ERC1: variants seen among roughly 807,000 people sequenced by gnomAD.
The protein encoded by ERC1 is RAB6 interacting protein 2.
ERC1 carries 56 observed loss-of-function variants against 132.0 expected under a neutral mutation model. That is an observed-to-expected ratio of 0.42 (90% CI 0.34 to 0.53). ERC1 has a LOEUF of 0.53. Among genes scored for constraint, ERC1 ranks in the 20% least tolerant of loss-of-function variants. The pLI is 0.03. For synonymous variants in ERC1, 478 were observed against 476.1 expected (o/e 1.00, Z -0.05); for missense variants, 1,202 against 1,349.9 (o/e 0.89, Z 1.72).
intron 12 of ERC1, among the ~76,000 whole-genome samples, chr12:1,203,345 A>G (rs796596486): frequency 4.9e-4 from 74 of 152,350 alleles, no homozygotes; most frequent in African/African-American, 1.7e-3. Flanking sequence ...GGCGTGAGCC[A>G]CTGCGCCTGC....
chr12:1,104,957 A>G (rs1265254106), intron 4 of ERC1, 133 bp downstream of exon 4: 7 of 592,656 alleles, frequency 1.2e-5, no homozygotes, highest in African/African-American at 3.7e-5. Flanking sequence ...GTGAGAATCA[A>G]TGAAAATGAC....
chr12:1,003,002 A>G (rs1053295986), intron 1 of ERC1, among the ~76,000 whole-genome samples: 5 of 149,432 alleles, frequency 3.3e-5, no homozygotes, highest in African/African-American at 7.3e-5. Flanking sequence ...TGTAATCCCA[A>G]CACTTTGGGA....
chr12:1,231,833 G>A (rs1158585164), intron 12 of ERC1, among the ~76,000 whole-genome samples: 1 of 152,064 alleles, frequency 6.6e-6, no homozygotes, highest in African/African-American at 2.4e-5. Flanking sequence ...TCTGCCTCCC[G>A]GGTTCTAGCG....
Position 1,493,547 on chromosome 12 carries a change from A to ATT in ERC1, c.*3317_*3318insTT, listed in dbSNP as rs59678473. 3.3e-5 allele frequency: 2 copies of ATT among 60,472 alleles called. No homozygotes were observed. Among genetic ancestry groups the ATT allele is most frequent in the Non-Finnish European group, 6.5e-5 (2 of 30,794 alleles). 3.7% of individuals were successfully genotyped at this position (60,472 alleles called of 1,614,324 possible). On this transcript the variant is annotated 3_prime_UTR_variant, in exon 19 of 19. Transcript: ENST00000360905. ...GACTCCATTTAAAAAAAAAAAAAAA[A>ATT]AATATATATATATATATATATATAT... is the stretch of plus-strand genomic sequence containing the variant.
At chr12:1,479,844 C>T (rs866145756) in intron 18 of ERC1, among the ~76,000 whole-genome samples, 1 of 152,088 alleles carries the variant, frequency 6.6e-6, no homozygotes, top group Non-Finnish European at 1.5e-5. Flanking sequence ...CCAGACTCCC[C>T]GGGTGCCCAC....
intron 1 of ERC1, among the ~76,000 whole-genome samples, chr12:1,000,630 G>T (rs183415955): frequency 6.6e-6 from 1 of 152,166 alleles, no homozygotes; most frequent in South Asian, 2.1e-4. Context: ...GGGTGTGGTG[G>T]TGTGTGCCTG....
intron 1 of ERC1, among the ~76,000 whole-genome samples, chr12:1,001,232 T>C (rs1592601662): frequency 6.6e-6 from 1 of 152,302 alleles, no homozygotes; most frequent in East Asian, 1.9e-4. Context: ...TTTTAAAACT[T>C]ATTTTTGTGG....
chr12:1,072,220 G>T (rs1940522770), intron 2 of ERC1, among the ~76,000 whole-genome samples: 1 of 152,120 alleles, frequency 6.6e-6, no homozygotes, highest in East Asian at 1.9e-4. Flanking sequence ...CAGTATGCAT[G>T]CAGGAATTAA....
chr12:1,351,643 C>T (rs2085006869), intron 15 of ERC1, among the ~76,000 whole-genome samples: 2 of 151,968 alleles, frequency 1.3e-5, no homozygotes, highest in African/African-American at 4.8e-5. Context: ...CATTTTCTTC[C>T]TTTTATCTTG....
chr12:1,457,409 T>C (rs190569558), intron 18 of ERC1, among the ~76,000 whole-genome samples: 42 of 152,336 alleles, frequency 2.8e-4, no homozygotes, highest in South Asian at 4.1e-4. Flanking sequence ...TCCTTCCATA[T>C]GTACAGCCGT....
chr12:1,447,667 G>GTTTTTGTTTTT (rs1565459750), intron 18 of ERC1, among the ~76,000 whole-genome samples: 3 of 145,886 alleles, frequency 2.1e-5, no homozygotes, highest in African/African-American at 7.9e-5. Flanking sequence ...TTTTTGTTTT[G>GTTTTTGTTTTT]GAGACAGAGT....
intron 18 of ERC1, among the ~76,000 whole-genome samples, chr12:1,483,340 G>A (rs765510625): frequency 3.2e-4 from 49 of 152,152 alleles, no homozygotes; most frequent in Admixed American, 9.2e-4. Context: ...GTGGTCTGTT[G>A]AGACCGGCTT....
intron 2 of ERC1, among the ~76,000 whole-genome samples, chr12:1,030,996 T>C (rs1014576635): frequency 6.6e-6 from 1 of 152,202 alleles, no homozygotes; most frequent in Non-Finnish European, 1.5e-5. Flanking sequence ...TCTCTGTCAT[T>C]AAGCAACATA....
At chr12:1,329,293 CAAAAAAAAA>C (rs537261329) in intron 15 of ERC1, among the ~76,000 whole-genome samples, 2 of 83,406 alleles carry the variant, frequency 2.4e-5, no homozygotes, top group African/African-American at 4.7e-5. Context: ...GACTCTGAAT[CAAAAAAAAA>C]AAAAAGAAAG....
intron 4 of ERC1, among the ~76,000 whole-genome samples, chr12:1,106,659 G>A (rs892271496): frequency 5.3e-5 from 8 of 151,936 alleles, no homozygotes; most frequent in African/African-American, 1.7e-4. Context: ...CTTTAGAATC[G>A]TTCAGTTGCA....
chr12:1,487,857 G>A (rs2094256674), intron 18 of ERC1, among the ~76,000 whole-genome samples: 1 of 151,692 alleles, frequency 6.6e-6, no homozygotes, highest in East Asian at 1.9e-4. Flanking sequence ...GAGAGAAAAA[G>A]GCCAGGCGCG....
chr12:1,093,359 T>G (rs1477977846), intron 3 of ERC1, among the ~76,000 whole-genome samples: 1 of 152,198 alleles, frequency 6.6e-6, no homozygotes, highest in Non-Finnish European at 1.5e-5. Flanking sequence ...GGACATCTCT[T>G]GGACAAATGC....
intron 12 of ERC1, among the ~76,000 whole-genome samples, chr12:1,199,035 A>C (rs1289613775): frequency 8.6e-6 from 1 of 115,998 alleles, no homozygotes; most frequent in Admixed American, 8.1e-5. Context: ...ACAGTTCAAC[A>C]TGAGATTTGG....
intron 15 of ERC1, among the ~76,000 whole-genome samples, chr12:1,353,116 C>CT (rs1566658792): frequency 2.0e-5 from 3 of 150,202 alleles, no homozygotes; most frequent in African/African-American, 7.4e-5. Context: ...CTGCAAGCTC[C>CT]GCCTCCCGGG....
Sources: gnomAD v4.1 joint callset for allele counts (sites outside exome capture counted in the v4.1 genomes callset) on GRCh38, gnomAD v4.1.1 for gene constraint, MANE v1.5 for transcripts, NCBI Gene and HGNC (gene_info 2026-07-23, HGNC 2026-07-21) for gene names.